PSMD5: variants seen among roughly 807,000 people sequenced by gnomAD.
PSMD5 encodes the protein 26S proteasome non-ATPase regulatory subunit 5.
In PSMD5, 40 loss-of-function variants were observed where a neutral mutation model predicts 52.1. The ratio of observed to expected loss-of-function variants is 0.77; its 90% CI spans 0.60 to 1.00. PSMD5 has a LOEUF of 1.00. Ranked by LOEUF, PSMD5 falls within the 50% of genes least tolerant of loss-of-function variation. The pLI is 0.00. For missense variants in PSMD5, 575 were observed against 605.2 expected (o/e 0.95, Z 0.52); for synonymous variants, 211 against 226.6 (o/e 0.93, Z 0.62).
chr9:120,826,710 A>T, intron 6 of PSMD5, 55 bp downstream of exon 6: 1 of 1,562,544 alleles, frequency 6.4e-7, no homozygotes, highest in Non-Finnish European at 8.7e-7. Flanking sequence ...GATGTCAGAG[A>T]TAACTCAGAA....
intron 5 of PSMD5, 98 bp from the exon 6 acceptor site, chr9:120,827,005 T>C: frequency 7.9e-7 from 1 of 1,259,206 alleles, no homozygotes. Context: ...ATTCTTCTTA[T>C]CACATTCGAA....
intron 9 of PSMD5, among the ~76,000 whole-genome samples, chr9:120,818,388 T>C (rs1160350700): frequency 6.6e-6 from 1 of 152,100 alleles, no homozygotes. Context: ...AATATAAATA[T>C]CTAATAATGG....
chr9:120,827,884 T>G (rs148396124), intron 5 of PSMD5, among the ~76,000 whole-genome samples: 498 of 152,382 alleles, frequency 3.3e-3, no homozygotes, highest in Non-Finnish European at 5.8e-3. Flanking sequence ...TTGGCAGATA[T>G]TAAAGGGGAT....
chr9:120,836,890 ATTT>A (rs34718162), intron 1 of PSMD5, among the ~76,000 whole-genome samples: 2 of 136,010 alleles, frequency 1.5e-5, no homozygotes, highest in African/African-American at 2.7e-5. Flanking sequence ...CGAAGAACCG[ATTT>A]TTTTTTTTTT....
chr9:120,835,487 G>A (rs1480156526), intron 1 of PSMD5, among the ~76,000 whole-genome samples: 2 of 152,132 alleles, frequency 1.3e-5, no homozygotes, highest in Non-Finnish European at 2.9e-5. Context: ...CACTTTGGGA[G>A]GCCATAGCAG....
Position 120,824,681 on chromosome 9 carries a change from G to A in PSMD5, c.819C>T (p.Phe273=), listed in dbSNP as rs372310762. 60 of 1,593,216 alleles carry A rather than the reference G, an allele frequency of 3.8e-5. No individual in the cohort carries two copies. Among genetic ancestry groups the A allele is most frequent in the Non-Finnish European group, 4.3e-5 (50 of 1,172,614 alleles). The part of the protein sequence containing the change: ...DPFSSFYLPG[F]VKFFGNLAVM... ...CAGCCAGGTTTCCAAAAAACTTCAC[G>A]AATCCTAAAGAGATTTACAAAAATA... The change falls in exon 7 of 10, where the codon TTC becomes TTT. Residue 273 remains phenylalanine (F), a synonymous_variant. Transcript: ENST00000210313.
chr9:120,838,612 G>A (rs1384720580), intron 1 of PSMD5, among the ~76,000 whole-genome samples: 1 of 152,210 alleles, frequency 6.6e-6, no homozygotes, highest in Non-Finnish European at 1.5e-5. Flanking sequence ...TATGTATCCA[G>A]TTCTGAATTA....
At chr9:120,820,759 C>T in intron 9 of PSMD5, 80 bp downstream of exon 9, 1 of 1,380,868 alleles carries the variant, frequency 7.2e-7, no homozygotes, top group Non-Finnish European at 9.6e-7. Context: ...CCAGAGATGG[C>T]ACAGGCTCTG....
chr9:120,824,109 TAAAAAAAAAAAAA>T (rs34305055), intron 7 of PSMD5: 4 of 111,964 alleles, frequency 3.6e-5, no homozygotes, highest in Non-Finnish European at 6.8e-5. Flanking sequence ...CTCAATCTCT[TAAAAAAAAAAAAA>T]AAAAAAAAAA....
At chr9:120,824,265 G>C (rs2045106254) in intron 7 of PSMD5, 1 of 521,008 alleles carries the variant, frequency 1.9e-6, no homozygotes, top group African/African-American at 2.4e-5. Context: ...TCGATTGGTA[G>C]AAACCTAAAC....
intron 1 of PSMD5, among the ~76,000 whole-genome samples, chr9:120,834,420 G>C (rs1367605653): frequency 5.3e-5 from 8 of 152,056 alleles, no homozygotes; most frequent in Admixed American, 4.6e-4. Context: ...TACAGGGAAG[G>C]CTTCCCAGAA....
Position 120,824,647 on chromosome 9 carries a change from T to C in PSMD5, c.853A>G (p.Ser285Gly). ...TAACGCTCACAGATCTGTTGAGGAC[T>C]ATCCATGACAGCCAGGTTTCCAAAA... Reference protein sequence around the residue: ...KFFGNLAVMDSPQQICERYPI... With the variant: ...KFFGNLAVMDGPQQICERYPI... Residue 285 changes from serine (S) to glycine (G), a missense_variant, in exon 7 of 10, where the codon AGT becomes GGT. By Grantham distance (56) the Ser-to-Gly change is moderately conservative. Transcript: ENST00000210313. The C allele has an allele frequency of 6.2e-7, 1 of 1,600,990 alleles. No individual in the cohort carries two copies. The highest frequency in any genetic ancestry group is 8.5e-7 in the Non-Finnish European group (1 of 1,176,206).
rs942711989 is a variant in PSMD5, at chr9:120,824,555, A to G, written c.945T>C (p.Ala315=). 1 of 1,614,186 alleles carries G rather than the reference A, an allele frequency of 6.2e-7. No homozygotes were observed. The highest frequency in any genetic ancestry group is 1.3e-5 in the African/African-American group (1 of 75,054). The change falls in exon 7 of 10, where the codon GCT becomes GCC. Residue 315 remains alanine (A), a synonymous_variant. Coordinates refer to ENST00000210313, the MANE Select transcript of PSMD5 (RefSeq NM_005047.4). The part of the protein sequence containing the change: ...ESQDPTMIGV[A]VDTVGILGSN... ...ATCCCAAGATTCCAACTGTGTCTAC[A>G]GCTACACCAATCATAGTGGGGTCCT...
At chr9:120,835,115 T>C (rs1255979960) in intron 1 of PSMD5, among the ~76,000 whole-genome samples, 2 of 152,224 alleles carry the variant, frequency 1.3e-5, no homozygotes, top group South Asian at 2.1e-4. Flanking sequence ...CTTTGCATAA[T>C]TGAACCTAAG....
rs2131431756 is a variant in PSMD5 at position 120,833,457 on chromosome 9, C to T, written c.174-1G>A. 1.9e-6 allele frequency: 3 copies of T among 1,612,182 alleles called. No homozygotes were observed. The East Asian group carries it at 6.7e-5, about 36-fold the overall frequency. On this transcript the variant is annotated splice_acceptor_variant, in intron 1 of 9. Coordinates refer to ENST00000210313, the MANE Select transcript of PSMD5 (RefSeq NM_005047.4). LOFTEE classifies it high-confidence loss of function. Reference sequence around the variant, plus strand: ...GGATACACACAAAGTAGTCTTTTCCCTGAAGGAGACATCATAAATCTTATT... The same window carrying T: ...GGATACACACAAAGTAGTCTTTTCCTTGAAGGAGACATCATAAATCTTATT...
In PSMD5 at chr9:120,842,903, C is replaced by T; in HGVS notation, c.7G>A (p.Ala3Thr). MA[A>T]QALALLREVA... ...TCTCTCAGCAGCGCCAAAGCCTGGG[C>T]TGCCATCTTGCCCCCCGACGCAGGG... The change falls in exon 1 of 10, where the codon GCC becomes ACC. Residue 3 changes from alanine (A) to threonine (T), a missense_variant. By Grantham distance (58) the Ala-to-Thr change is moderately conservative. Coordinates refer to ENST00000210313, the MANE Select transcript of PSMD5 (RefSeq NM_005047.4). The T allele has an allele frequency of 6.3e-7, 1 of 1,585,148 alleles. No individual in the cohort carries two copies. The highest frequency in any genetic ancestry group is 8.5e-7 in the Non-Finnish European group (1 of 1,171,478).
rs764298853 is a variant in PSMD5, at chr9:120,824,643, G to A, written c.857C>T (p.Pro286Leu). The change falls in exon 7 of 10, where the codon CCT becomes CTT. Residue 286 changes from proline to leucine, a missense_variant. Coordinates refer to ENST00000210313, the MANE Select transcript of PSMD5 (RefSeq NM_005047.4). ...FFGNLAVMDS[P>L]QQICERYPIF... ...AGGATAACGCTCACAGATCTGTTGA[G>A]GACTATCCATGACAGCCAGGTTTCC... 58 of 1,612,964 alleles carry A rather than the reference G, an allele frequency of 3.6e-5. No individual in the cohort carries two copies. The highest frequency in any genetic ancestry group is 4.3e-5 in the Non-Finnish European group (51 of 1,179,784).
chr9:120,817,729 T>C lies in PSMD5; in HGVS notation c.*177A>G. The C allele has an allele frequency of 1.4e-6, 1 of 722,686 alleles. No homozygotes were observed. Among genetic ancestry groups the C allele is most frequent in the East Asian group, 2.7e-5 (1 of 37,284 alleles). 44.8% of individuals were successfully genotyped at this position (722,686 alleles called of 1,614,324 possible). On this transcript the variant is annotated 3_prime_UTR_variant, in exon 10 of 10. Coordinates refer to ENST00000210313, the MANE Select transcript of PSMD5 (RefSeq NM_005047.4). ...CTGCTCTTAATGCATTCCAAACTCC[T>C]AGTTCCACTTTGCATTTCAATGTAG...
Position 120,842,916 on chromosome 9 carries a change from C to G in PSMD5, c.-7G>C. ...CCAAAGCCTGGGCTGCCATCTTGCC[C>G]CCCGACGCAGGGGCTGGCCCAGCGG... On this transcript the variant is annotated 5_prime_UTR_variant, in exon 1 of 10. Transcript: ENST00000210313. 3.2e-6 allele frequency: 5 copies of G among 1,573,388 alleles called. No individual in the cohort carries two copies. The highest frequency in any genetic ancestry group is 3.4e-6 in the Non-Finnish European group (4 of 1,165,896).
Sources: allele counts gnomAD v4.1 joint callset (sites outside exome capture counted in the v4.1 genomes callset), GRCh38; gene constraint gnomAD v4.1.1; transcripts MANE v1.5; gene names NCBI Gene and HGNC (gene_info 2026-07-23, HGNC 2026-07-21).